The following KSR2 variants were observed in gnomAD, a reference collection of about 807,000 sequenced individuals.
KSR2 encodes the protein kinase suppressor of ras 2.
KSR2 carries 25 observed loss-of-function variants against 107.8 expected under a neutral mutation model. That is an observed-to-expected ratio of 0.23 (90% CI 0.17 to 0.32). The LOEUF (loss-of-function observed/expected upper bound fraction) is 0.32. Among genes scored for constraint, KSR2 ranks in the 10% least tolerant of loss-of-function variants. The pLI is 1.00. For missense variants in KSR2, 887 were observed against 1,268.9 expected, an observed-to-expected ratio of 0.70 and a Z score of 4.57; for synonymous variants, 480 against 507.0, an observed-to-expected ratio of 0.95 and a Z score of 0.71.
chr12:117,857,221 G>A (rs1893133117), intron 2 of KSR2, among the ~76,000 whole-genome samples: 1 of 152,034 alleles, frequency 6.6e-6, no homozygotes, highest in Non-Finnish European at 1.5e-5. Context: ...AACATGCCTG[G>A]CTAATTTTTA....
intron 1 of KSR2, among the ~76,000 whole-genome samples, chr12:117,950,765 A>G (rs552897009): frequency 1.3e-5 from 2 of 148,524 alleles, no homozygotes; most frequent in South Asian, 4.2e-4. Flanking sequence ...TAATAATAAT[A>G]ATAATGATAA....
Position 117,829,411 on chromosome 12 carries a change from G to A in KSR2, c.472+26017C>T, listed in dbSNP as rs551295577. Among the ~76,000 whole-genome samples the A allele has an allele frequency of 1.1e-4, 17 of 152,318 alleles. 1 individual carries two copies. The South Asian group carries it at 3.5e-3, about 32-fold the overall frequency. On this transcript the variant is annotated intron_variant, in intron 3 of 19. Coordinates refer to ENST00000339824, the MANE Select transcript of KSR2 (RefSeq NM_173598.6). ...TTTTACCCTCTGTGCCACCACTGCA[G>A]CTGACAGAGTTCTCTGTATCTTATT... is the stretch of plus-strand genomic sequence containing the variant.
intron 4 of KSR2, among the ~76,000 whole-genome samples, chr12:117,681,200 G>A (rs1475130058): frequency 6.6e-6 from 1 of 152,224 alleles, no homozygotes; most frequent in Non-Finnish European, 1.5e-5. Flanking sequence ...AGCCCAGGAG[G>A]TGGAGGCTGC....
intron 1 of KSR2, among the ~76,000 whole-genome samples, chr12:117,967,861 G>A (rs559587454): frequency 6.6e-6 from 1 of 151,894 alleles, no homozygotes; most frequent in Non-Finnish European, 1.5e-5. Context: ...AAGCGCAGAC[G>A]ACAGCAGCAC....
Position 117,463,893 on chromosome 12 carries a change from A to T in KSR2, c.*3306T>A, listed in dbSNP as rs187341125. The T allele has an allele frequency of 3.0e-4, 46 of 152,414 alleles. No homozygotes were observed. Among genetic ancestry groups the T allele is most frequent in the African/African-American group, 1.1e-3 (45 of 41,544 alleles). 9.4% of individuals were successfully genotyped at this position (152,414 alleles called of 1,614,324 possible). A position where few individuals can be genotyped will look rare whatever the true frequency, so the allele number is the denominator to read the frequency against. On this transcript the variant is annotated 3_prime_UTR_variant, in exon 20 of 20. Transcript: ENST00000339824. ...GGAAGAACTAGGTTCCCTGGATACAAAAGTCTAGTGGTCAATATCAGTCAA... is the reference window on the plus strand; with the variant it reads ...GGAAGAACTAGGTTCCCTGGATACATAAGTCTAGTGGTCAATATCAGTCAA...
intron 3 of KSR2, among the ~76,000 whole-genome samples, chr12:117,771,695 TATC>T (rs1889456503): frequency 6.6e-6 from 1 of 152,146 alleles, no homozygotes; most frequent in African/African-American, 2.4e-5. Context: ...ACTGTAATGT[TATC>T]AACAAGTAAT....
intron 14 of KSR2, among the ~76,000 whole-genome samples, chr12:117,488,775 C>A (rs1340598999): frequency 6.6e-6 from 1 of 151,218 alleles, no homozygotes; most frequent in African/African-American, 2.4e-5. Context: ...TGGCTCACTG[C>A]AACCTCTGAC....
intron 14 of KSR2, among the ~76,000 whole-genome samples, chr12:117,497,973 G>A (rs948912230): frequency 2.6e-5 from 4 of 152,206 alleles, no homozygotes; most frequent in Non-Finnish European, 4.4e-5. Flanking sequence ...GATGGTCTCC[G>A]TTGATGGAGT....
In KSR2 at chr12:117,815,984, A is replaced by AT. The variant is rs1891352184; in HGVS notation, c.472+39443_472+39444insA. 6.9e-5 allele frequency among the ~76,000 whole-genome samples: 10 copies of AT among 145,698 alleles called. No homozygotes were observed. The South Asian group carries it at 2.3e-3, about 33-fold the overall frequency. On this transcript the variant is annotated intron_variant, in intron 3 of 19. Coordinates refer to ENST00000339824, the MANE Select transcript of KSR2 (RefSeq NM_173598.6). ...AGCAAAACTCTGTCTCAAAAAAAAA[A>AT]AATAAAGTGTGTGTGTGTGTGTGTG...
chr12:117,865,079 AT>A (rs1366265215), intron 1 of KSR2, among the ~76,000 whole-genome samples: 3 of 152,074 alleles, frequency 2.0e-5, no homozygotes, highest in African/African-American at 7.2e-5. Flanking sequence ...AATAAAAATA[AT>A]TAATTAATTT....
At position 117,460,993 on chromosome 12, in the gene KSR2, T is replaced by A; in HGVS notation, c.*6206A>T. 1 of 152,226 alleles carries A rather than the reference T, an allele frequency of 6.6e-6. No homozygotes were observed. The highest frequency in any genetic ancestry group is 1.9e-4 in the East Asian group (1 of 5,194). 9.4% of individuals were successfully genotyped at this position (152,226 alleles called of 1,614,324 possible). On this transcript the variant is annotated 3_prime_UTR_variant, in exon 20 of 20. Transcript: ENST00000339824. ...GTCACAGATATTAAACCTGGCAAAC[T>A]GGCTCAGCACAATGGCTTAGCCCTG...
intron 2 of KSR2, among the ~76,000 whole-genome samples, chr12:117,856,625 C>T (rs949221779): frequency 2.0e-5 from 3 of 152,110 alleles, no homozygotes; most frequent in Non-Finnish European, 4.4e-5. Flanking sequence ...TACAGCCACT[C>T]ACCACCACGC....
At chr12:117,519,949 CACTT>C (rs1188125004) in intron 14 of KSR2, among the ~76,000 whole-genome samples, 1 of 152,160 alleles carries the variant, frequency 6.6e-6, no homozygotes, top group Non-Finnish European at 1.5e-5. Context: ...AATCCCCTGG[CACTT>C]ACTAAAAAGG....
At chr12:117,874,833 C>CA in intron 1 of KSR2, among the ~76,000 whole-genome samples, 1 of 152,102 alleles carries the variant, frequency 6.6e-6, no homozygotes, top group South Asian at 2.1e-4. Flanking sequence ...AAAAAAAACC[C>CA]AAAGGTTCCA....
intron 5 of KSR2, among the ~76,000 whole-genome samples, chr12:117,630,031 T>C (rs955519254): frequency 2.6e-5 from 4 of 152,288 alleles, no homozygotes; most frequent in African/African-American, 7.2e-5. Flanking sequence ...AAGTGGGTCA[T>C]GGGAGTGCTC....
chr12:117,963,091 G>A (rs1176110944), intron 1 of KSR2, among the ~76,000 whole-genome samples: 3 of 151,928 alleles, frequency 2.0e-5, no homozygotes, highest in Non-Finnish European at 4.4e-5. Context: ...TCAGGAGGCC[G>A]AGACAGGAGA....
intron 5 of KSR2, among the ~76,000 whole-genome samples, chr12:117,617,569 T>C (rs1392161048): frequency 1.3e-5 from 2 of 152,218 alleles, no homozygotes. Flanking sequence ...AACAGCATAA[T>C]GCTGAATGAA....
chr12:117,948,303 C>T (rs951992062), intron 1 of KSR2, among the ~76,000 whole-genome samples: 16 of 152,008 alleles, frequency 1.1e-4, no homozygotes, highest in African/African-American at 1.2e-4. Flanking sequence ...GCCTGGCCAA[C>T]ATAGTGAAAC....
Position 117,537,154 on chromosome 12 carries a change from A to T in KSR2, c.1687+2565T>A, listed in dbSNP as rs912150542. Among the ~76,000 whole-genome samples the T allele has an allele frequency of 1.8e-4, 27 of 152,328 alleles. 1 individual carries two copies. Among genetic ancestry groups the T allele is most frequent in the Admixed American group, 3.3e-4 (5 of 15,300 alleles). ...CTTGAACCCGGGAGGTGGAGGTTGC[A>T]GTGAACCAAGATCGCACCACTGCAC... On this transcript the variant is annotated intron_variant, in intron 10 of 19. Coordinates refer to ENST00000339824, the MANE Select transcript of KSR2 (RefSeq NM_173598.6).
Sources: gnomAD v4.1 joint callset for allele counts (sites outside exome capture counted in the v4.1 genomes callset) on GRCh38, gnomAD v4.1.1 for gene constraint, MANE v1.5 for transcripts, NCBI Gene and HGNC (gene_info 2026-07-23, HGNC 2026-07-21) for gene names.